The following CACNA1D variants were observed in gnomAD, a reference collection of about 807,000 sequenced individuals.
CACNA1D encodes the protein calcium voltage-gated channel subunit alpha1 D, also known as voltage-dependent L-type calcium channel subunit alpha-1D.
CACNA1D carries 55 observed loss-of-function variants against 257.1 expected under a neutral mutation model. The ratio of observed to expected loss-of-function variants is 0.21; its 90% CI spans 0.17 to 0.27. The LOEUF is 0.27. CACNA1D is among the 10% of genes least tolerant of loss of function. The pLI is 1.00. For missense variants in CACNA1D, 1,876 were observed against 2,784.0 expected (o/e 0.67, Z 7.34); for synonymous variants, 980 against 1,014.9 (o/e 0.97, Z 0.65).
chr3:53,662,824 A>G (rs944150909), intron 5 of CACNA1D, among the ~76,000 whole-genome samples: 4 of 152,244 alleles, frequency 2.6e-5, no homozygotes. Context: ...GTTACTCTAA[A>G]TGTAAAAAAT....
intron 3 of CACNA1D, among the ~76,000 whole-genome samples, chr3:53,575,432 T>C (rs1280010073): frequency 1.3e-5 from 2 of 152,134 alleles, no homozygotes; most frequent in Non-Finnish European, 1.5e-5. Flanking sequence ...TTGTCAGCAG[T>C]AGATAGGAAC....
chr3:53,710,327 G>A (rs2094738247), intron 9 of CACNA1D: 1 of 443,896 alleles, frequency 2.3e-6, no homozygotes, highest in Non-Finnish European at 4.6e-6. Flanking sequence ...GCCGCGTGGG[G>A]CCCTGGTTTG....
At chr3:53,595,510 G>A (rs1223212150) in intron 3 of CACNA1D, among the ~76,000 whole-genome samples, 1 of 152,122 alleles carries the variant, frequency 6.6e-6, no homozygotes, top group Non-Finnish European at 1.5e-5. Flanking sequence ...ACATCCATTT[G>A]TCCTCTGTCT....
At chr3:53,799,561 A>G (rs912341520) in intron 40 of CACNA1D, among the ~76,000 whole-genome samples, 1 of 152,138 alleles carries the variant, frequency 6.6e-6, no homozygotes. Flanking sequence ...GTTTGTTGTG[A>G]TCTTCAAAAA....
At chr3:53,676,716 T>A (rs926966563) in intron 8 of CACNA1D, among the ~76,000 whole-genome samples, 10 of 152,266 alleles carry the variant, frequency 6.6e-5, no homozygotes, top group Admixed American at 5.2e-4. Context: ...GAACAGACTT[T>A]AATCTGCACA....
chr3:53,785,161 G>A (rs1041228972), intron 39 of CACNA1D, among the ~76,000 whole-genome samples: 4 of 152,186 alleles, frequency 2.6e-5, no homozygotes, highest in African/African-American at 9.6e-5. Context: ...AGAGTACAGC[G>A]AGGGGTGAAA....
At chr3:53,686,552 A>G (rs758159953) in intron 8 of CACNA1D, among the ~76,000 whole-genome samples, 6 of 152,098 alleles carry the variant, frequency 3.9e-5, no homozygotes, top group Non-Finnish European at 5.9e-5. Flanking sequence ...ATAATTTACC[A>G]TATTAATAGA....
At chr3:53,534,020 G>T (rs1311647010) in intron 3 of CACNA1D, among the ~76,000 whole-genome samples, 1 of 152,164 alleles carries the variant, frequency 6.6e-6, no homozygotes, top group Non-Finnish European at 1.5e-5. Flanking sequence ...TGTAGTAGAG[G>T]AGCTGAAGCC....
intron 8 of CACNA1D, among the ~76,000 whole-genome samples, chr3:53,680,294 C>G (rs774985026): frequency 6.6e-6 from 1 of 152,090 alleles, no homozygotes; most frequent in Non-Finnish European, 1.5e-5. Flanking sequence ...GCAACAGATT[C>G]AGTAGAGCTC....
intron 26 of CACNA1D, 104 bp downstream of exon 26, chr3:53,747,552 A>C: frequency 4.8e-6 from 6 of 1,243,364 alleles, no homozygotes; most frequent in Non-Finnish European, 7.1e-6. Flanking sequence ...GTGTCGCAGG[A>C]TTGCCCTGTG....
At chr3:53,771,105 G>A (rs575076193) in intron 32 of CACNA1D, among the ~76,000 whole-genome samples, 41 of 152,228 alleles carry the variant, frequency 2.7e-4, no homozygotes, top group African/African-American at 8.7e-4. Flanking sequence ...GGCACAGCTC[G>A]GTTCTAGACT....
chr3:53,722,356 T>C lies in CACNA1D; in HGVS notation c.1548T>C (p.Cys516=), dbSNP rs1159775969. 7 of 1,614,240 alleles carry C rather than the reference T, an allele frequency of 4.3e-6. No homozygotes were observed. The highest frequency in any genetic ancestry group is 1.7e-5 in the Admixed American group (1 of 60,022). ...RRWNRFNRRR[C]RAAVKSVTFY... is the part of the protein sequence containing the mutation. ...GGAACCGATTCAATCGCAGAAGATG[T>C]AGGGCCGCCGTGAAGTCTGTCACGT... Residue 516 remains cysteine (C), a synonymous_variant, in exon 12 of 48, where the codon TGT becomes TGC. Coordinates refer to ENST00000350061, the MANE Select transcript of CACNA1D (RefSeq NM_001128840.3).
At chr3:53,691,185 C>T (rs1196345609) in intron 8 of CACNA1D, among the ~76,000 whole-genome samples, 1 of 148,828 alleles carries the variant, frequency 6.7e-6, no homozygotes, top group African/African-American at 2.5e-5. Flanking sequence ...GAGTCTTGCT[C>T]TTGGAGTACA....
chr3:53,664,724 A>G (rs569712508), intron 5 of CACNA1D, among the ~76,000 whole-genome samples: 1 of 135,628 alleles, frequency 7.4e-6, no homozygotes, highest in Admixed American at 7.4e-5. Context: ...TCTTCACCCC[A>G]TTCATCCCTA....
chr3:53,692,900 AT>A (rs1263416474), intron 8 of CACNA1D, among the ~76,000 whole-genome samples: 1 of 152,062 alleles, frequency 6.6e-6, no homozygotes, highest in Non-Finnish European at 1.5e-5. Flanking sequence ...TACTAAAAAT[AT>A]TAAAAAATTA....
At chr3:53,740,199 C>G (rs1258359450) in intron 20 of CACNA1D, 81 bp from the exon 21 acceptor site, 1 of 994,340 alleles carries the variant, frequency 1.0e-6, no homozygotes, top group Non-Finnish European at 1.6e-6. Flanking sequence ...CTGACTGGAT[C>G]GGGGGTTTCT....
chr3:53,770,147 A>G, intron 31 of CACNA1D, 130 bp downstream of exon 31: 1 of 847,572 alleles, frequency 1.2e-6, no homozygotes, highest in Admixed American at 1.8e-5. Context: ...AGTGGTTTGC[A>G]TTCATCATCA....
chr3:53,657,093 A>C (rs890575604), intron 4 of CACNA1D, among the ~76,000 whole-genome samples: 15 of 152,164 alleles, frequency 9.9e-5, no homozygotes, highest in Non-Finnish European at 1.5e-4. Context: ...ACATGTCCCC[A>C]AAAAAACTTT....
At position 53,751,362 on chromosome 3, in the gene CACNA1D, C is replaced by T. The variant is rs2108877804; in HGVS notation, c.3517-387C>T. Among the ~76,000 whole-genome samples the T allele has an allele frequency of 6.6e-6, 1 of 152,296 alleles. No homozygotes were observed. ...TATAGGTGTGATCCACCTATAGATC[C>T]CCCGTATGTGTGATAAAGAGGAAAG... On this transcript the variant is annotated intron_variant, in intron 27 of 47. Coordinates refer to ENST00000350061, the MANE Select transcript of CACNA1D (RefSeq NM_001128840.3). The surrounding 1 kb of genome is among the most constrained non-coding windows in gnomAD (Gnocchi z 4.3).
Sources: gnomAD v4.1 joint callset for allele counts (sites outside exome capture counted in the v4.1 genomes callset) on GRCh38, gnomAD v4.1.1 for gene constraint, Gnocchi (gnomAD v3.1) non-coding constraint, MANE v1.5 for transcripts, NCBI Gene and HGNC (gene_info 2026-07-23, HGNC 2026-07-21) for gene names.